The following HEXB variants were observed in gnomAD, a reference collection of about 807,000 sequenced individuals.
The protein encoded by HEXB is beta-hexosaminidase subunit beta.
A neutral mutation model predicts 71.2 loss-of-function variants in HEXB; 51 were observed. The observed-to-expected ratio is 0.72, with a 90% CI of 0.57 to 0.90. The LOEUF is 0.90. Ranked by LOEUF, HEXB falls within the 40% of genes least tolerant of loss-of-function variation. HEXB has a pLI of 0.00. For synonymous variants in HEXB, 266 were observed against 249.3 expected, an observed-to-expected ratio of 1.07 and a Z score of -0.63; for missense variants, 617 against 677.0, an observed-to-expected ratio of 0.91 and a Z score of 0.98.
intron 7 of HEXB, among the ~76,000 whole-genome samples, 189 bp downstream of exon 7, chr5:74,713,824 C>T (rs193015671): frequency 7.3e-5 from 11 of 151,702 alleles, no homozygotes; most frequent in African/African-American, 2.2e-4. Context: ...CCACCATGCC[C>T]AGCTAATTTT....
chr5:74,672,225 G>C (rs1043666761), intron 1 of HEXB, among the ~76,000 whole-genome samples: 1 of 152,174 alleles, frequency 6.6e-6, no homozygotes, highest in Admixed American at 6.5e-5. Context: ...AGCCCTTCAG[G>C]GAATGTACTC....
intron 1 of HEXB, among the ~76,000 whole-genome samples, chr5:74,656,252 G>GTGGATCACTTGAGGTCAGCAGCC (rs1748215573): frequency 6.6e-6 from 1 of 152,018 alleles, no homozygotes; most frequent in African/African-American, 2.4e-5. Context: ...GGTCAGCAGC[G>GTGGATCACTTGAGGTCAGCAGCC]TGGATCACTT....
chr5:74,682,983 T>G (rs1748767503), upstream of HEXB, among the ~76,000 whole-genome samples: 1 of 152,188 alleles, frequency 6.6e-6, no homozygotes, highest in Non-Finnish European at 1.5e-5. Flanking sequence ...CCTATTTTGA[T>G]GTTTAGGTTT....
chr5:74,707,648 G>A (rs994915725), intron 6 of HEXB, among the ~76,000 whole-genome samples: 4 of 152,230 alleles, frequency 2.6e-5, no homozygotes, highest in African/African-American at 9.6e-5. Context: ...GAATGCAGAA[G>A]CCTCAGGAGC....
chr5:74,712,153 T>C (rs977137073), intron 6 of HEXB, among the ~76,000 whole-genome samples: 2 of 145,730 alleles, frequency 1.4e-5, no homozygotes, highest in East Asian at 2.0e-4. Context: ...AAATTGGAAA[T>C]CATCATTCTC....
rs1264867196 is a variant in HEXB, at chr5:74,689,350, T to G, written c.322T>G (p.Phe108Val). The G allele has an allele frequency of 2.5e-6, 4 of 1,613,362 alleles. No individual in the cohort carries two copies. Among genetic ancestry groups the G allele is most frequent in the Non-Finnish European group, 3.4e-6 (4 of 1,179,380 alleles). ...FRRYHGYIFG[F>V]YKWHHEPAEF... Reference sequence around the variant, plus strand: ...CAGATATCATGGCTATATTTTTGGTTTCTACAAGTGGCATCATGAACCTGC... The same window carrying G: ...CAGATATCATGGCTATATTTTTGGTGTCTACAAGTGGCATCATGAACCTGC... The change falls in exon 2 of 14, where the codon TTC (phenylalanine) becomes GTC (valine). Residue 108 changes from phenylalanine to valine, a missense_variant. Physicochemically the swap from Phe to Val is conservative, Grantham distance 50. Coordinates refer to ENST00000261416, the MANE Select transcript of HEXB (RefSeq NM_000521.4).
At chr5:74,681,520 G>A (rs922228833), upstream of HEXB, among the ~76,000 whole-genome samples, 2 of 152,136 alleles carry the variant, frequency 1.3e-5, no homozygotes, top group African/African-American at 2.4e-5. Context: ...CCAAGCCCAA[G>A]TCCACCCTGA....
intron 5 of HEXB, among the ~76,000 whole-genome samples, chr5:74,701,134 T>C (rs1284410661): frequency 6.6e-6 from 1 of 151,718 alleles, no homozygotes; most frequent in African/African-American, 2.4e-5. Context: ...CCACCTGCCT[T>C]GGCCTCTCAA....
At position 74,720,701 on chromosome 5, in the gene HEXB, G is replaced by C. The variant is rs746489327; in HGVS notation, c.1567G>C (p.Asp523His). 4 of 1,614,186 alleles carry C rather than the reference G, an allele frequency of 2.5e-6. No homozygotes were observed. Among genetic ancestry groups the C allele is most frequent in the Non-Finnish European group, 3.4e-6 (4 of 1,180,012 alleles). ...GAGTTCCAAAGATGTCAGAGATATG[G>C]ATGACGCCTATGACAGACTGACAAG... ...LWSSKDVRDM[D>H]DAYDRLTRHR... Residue 523 changes from aspartate to histidine, a missense_variant, in exon 13 of 14, where the codon GAT (aspartate) becomes CAT (histidine). Asp to His is a moderately conservative substitution (Grantham distance 81). Transcript: ENST00000261416.
rs577650455 is a variant in HEXB, at chr5:74,655,360, G to A, written c.-377+14802G>A. 4.3e-5 allele frequency among the ~76,000 whole-genome samples: 6 copies of A among 140,478 alleles called. No homozygotes were observed. The East Asian group carries it at 1.2e-3, about 28-fold the overall frequency. The allele number at this position is 140,478 out of a possible 152,430, so 92.2% of individuals were successfully genotyped here. ...GACAGGATCTCGCTCTGTCACCCAG[G>A]ATGGAGAGCAGTGGCACGATCTCGC... On this transcript the variant is annotated intron_variant, in intron 1 of 13. Transcript: ENST00000511181.
chr5:74,683,967 C>T (rs1252965237), upstream of HEXB, among the ~76,000 whole-genome samples: 1 of 151,628 alleles, frequency 6.6e-6, no homozygotes, highest in Non-Finnish European at 1.5e-5. Flanking sequence ...ATTACAGGCG[C>T]CCGCCACCAC....
chr5:74,699,631 C>T (rs1749213747), intron 5 of HEXB, among the ~76,000 whole-genome samples: 1 of 152,078 alleles, frequency 6.6e-6, no homozygotes, highest in Admixed American at 6.6e-5. Context: ...TGCTGATGGA[C>T]ATCTAAGTTA....
At chr5:74,673,656 T>C (rs1561209354) in intron 1 of HEXB, among the ~76,000 whole-genome samples, 1 of 152,180 alleles carries the variant, frequency 6.6e-6, no homozygotes, top group Non-Finnish European at 1.5e-5. Context: ...TTAGATGTGA[T>C]TGCATGAGCC....
chr5:74,709,759 T>C (rs1277017844), intron 6 of HEXB, among the ~76,000 whole-genome samples: 3 of 152,230 alleles, frequency 2.0e-5, no homozygotes, highest in African/African-American at 7.2e-5. Context: ...AATCTCTGAA[T>C]AGACCAATAA....
chr5:74,708,363 T>C (rs900618681), intron 6 of HEXB, among the ~76,000 whole-genome samples: 1 of 148,952 alleles, frequency 6.7e-6, no homozygotes, highest in Non-Finnish European at 1.5e-5. Flanking sequence ...CCATCGAGAC[T>C]AGGAAGAAAC....
In HEXB at chr5:74,648,325, TA is replaced by T. The variant is rs1002060709; in HGVS notation, c.-377+7773del. The stretch of plus-strand genomic sequence containing the variant: ...AAACCATTTCTTCTGACTATTGTAT[TA>T]AAAAACATATTTACTTTTGTAGTTG... On this transcript the variant is annotated intron_variant, in intron 1 of 13. Transcript: ENST00000511181. 3.3e-5 allele frequency among the ~76,000 whole-genome samples: 5 copies of T among 152,310 alleles called. No individual in the cohort carries two copies. In the South Asian group the frequency reaches 8.3e-4, roughly 25 times the overall value.
chr5:74,711,619 T>C (rs376275189), intron 6 of HEXB, among the ~76,000 whole-genome samples: 6 of 151,958 alleles, frequency 3.9e-5, no homozygotes, highest in South Asian at 2.1e-4. Flanking sequence ...AAAAAGTGGG[T>C]GAAGGACATG....
At chr5:74,705,112 A>AAT in intron 5 of HEXB, 107 bp from the exon 6 acceptor site, 2 of 608,678 alleles carry the variant, frequency 3.3e-6, no homozygotes, top group African/African-American at 1.9e-5. Context: ...AAAAAAAAAA[A>AAT]GTTTTAAAGG....
intron 13 of HEXB, 184 bp from the exon 14 acceptor site, chr5:74,720,934 A>C: frequency 1.3e-6 from 1 of 758,762 alleles, no homozygotes; most frequent in South Asian, 1.7e-5. Context: ...GATACAAAAA[A>C]TGTTGGTGTA....
Sources: gnomAD v4.1 joint callset for allele counts (sites outside exome capture counted in the v4.1 genomes callset) on GRCh38, gnomAD v4.1.1 for gene constraint, MANE v1.5 for transcripts, NCBI Gene and HGNC (gene_info 2026-07-23, HGNC 2026-07-21) for gene names.